ITGA6: variants seen among roughly 807,000 people sequenced by gnomAD.
The protein encoded by ITGA6 is integrin alpha-6.
In ITGA6, 63 loss-of-function variants were observed where a neutral mutation model predicts 133.6. The observed-to-expected ratio is 0.47, with a 90% CI of 0.38 to 0.58. The LOEUF (loss-of-function observed/expected upper bound fraction) is 0.58. ITGA6 is among the 20% of genes least tolerant of loss of function. The probability of loss-of-function intolerance (pLI) is 0.00; values close to 1 mark genes in which losing one functional copy is unlikely to be tolerated. For missense variants in ITGA6, 1,068 were observed against 1,309.4 expected (o/e 0.82, Z 2.85); for synonymous variants, 434 against 482.0 (o/e 0.90, Z 1.30).
chr2:172,456,623 A>G (rs1685219433), intron 1 of ITGA6, among the ~76,000 whole-genome samples: 1 of 152,174 alleles, frequency 6.6e-6, no homozygotes. Flanking sequence ...TGATGACCCA[A>G]AATGGCTAAG....
intron 2 of ITGA6, 143 bp downstream of exon 2, chr2:172,465,806 C>A: frequency 8.5e-7 from 1 of 1,169,956 alleles, no homozygotes; most frequent in Non-Finnish European, 1.3e-6. Context: ...TTTATTTGCC[C>A]TGAAAATATT....
intron 2 of ITGA6, chr2:172,465,874 C>T: frequency 1.4e-6 from 1 of 705,914 alleles, no homozygotes; most frequent in South Asian, 1.7e-5. Flanking sequence ...CTCCTCCTAA[C>T]CGTGGTTTCT....
chr2:172,442,733 T>C (rs557219237), intron 1 of ITGA6, among the ~76,000 whole-genome samples: 13 of 152,212 alleles, frequency 8.5e-5, no homozygotes, highest in Non-Finnish European at 1.6e-4. Context: ...GTGAGCTTGC[T>C]TTACTGATGT....
Position 172,484,913 on chromosome 2 carries a change from G to C in ITGA6, c.1681G>C (p.Val561Leu). The part of the protein sequence containing the change: ...ELTLKRQKQK[V>L]CMEETLWLQD... ...AACTCTGAAGAGGCAGAAACAGAAA[G>C]TGTGCATGGAGGAAACCCTGTGGCT... The change falls in exon 12 of 26, where the codon GTG becomes CTG. Residue 561 changes from valine to leucine, a missense_variant. Val to Leu is a conservative substitution (Grantham distance 32). Around this residue, in one of 3 missense-constraint regions of ITGA6, gnomAD observed 609 missense variants for 707.2 expected, o/e 0.86. Coordinates refer to ENST00000684293, the MANE Select transcript of ITGA6 (RefSeq NM_000210.4). The C allele has an allele frequency of 6.2e-7, 1 of 1,614,210 alleles. No homozygotes were observed. Among genetic ancestry groups the C allele is most frequent in the Non-Finnish European group, 8.5e-7 (1 of 1,180,032 alleles).
chr2:172,474,381 C>A (rs1686073547), intron 6 of ITGA6, 116 bp downstream of exon 6: 1 of 903,308 alleles, frequency 1.1e-6, no homozygotes, highest in Non-Finnish European at 1.8e-6. Context: ...ATTTTTATTG[C>A]CGCATTTTTA....
At chr2:172,502,867 C>T (rs1687402667) in intron 25 of ITGA6, among the ~76,000 whole-genome samples, 1 of 152,204 alleles carries the variant, frequency 6.6e-6, no homozygotes, top group Non-Finnish European at 1.5e-5. Context: ...CACAACATTG[C>T]CATTCAGCTT....
At chr2:172,461,412 T>C (rs1685422887) in intron 1 of ITGA6, among the ~76,000 whole-genome samples, 1 of 152,222 alleles carries the variant, frequency 6.6e-6, no homozygotes, top group African/African-American at 2.4e-5. Context: ...CCCAGATTCT[T>C]GCCCTTTGTT....
chr2:172,452,142 G>A (rs575208836), intron 1 of ITGA6, among the ~76,000 whole-genome samples: 22 of 152,088 alleles, frequency 1.4e-4, no homozygotes, highest in East Asian at 3.9e-4. Context: ...TTCTTTCTCC[G>A]GCTTCCCTCA....
intron 2 of ITGA6, among the ~76,000 whole-genome samples, chr2:172,466,249 T>G (rs886083699): frequency 5.3e-5 from 8 of 152,234 alleles, no homozygotes; most frequent in African/African-American, 1.9e-4. Context: ...TAGCCAAACC[T>G]CGTTTGATAT....
At chr2:172,483,483 C>T (rs952527209) in intron 11 of ITGA6, among the ~76,000 whole-genome samples, 1 of 152,196 alleles carries the variant, frequency 6.6e-6, no homozygotes, top group Non-Finnish European at 1.5e-5. Context: ...CCTTCTCCAG[C>T]CCTCTGCACA....
chr2:172,446,992 G>T (rs1684793613), intron 1 of ITGA6, among the ~76,000 whole-genome samples: 1 of 151,968 alleles, frequency 6.6e-6, no homozygotes, highest in Non-Finnish European at 1.5e-5. Context: ...CCACCACCCA[G>T]GTCCAAGCGA....
chr2:172,467,345 G>T, intron 2 of ITGA6, 136 bp from the exon 3 acceptor site: 1 of 689,946 alleles, frequency 1.4e-6, no homozygotes, highest in South Asian at 1.5e-5. Context: ...TAATTTTTCT[G>T]GATTGAGTAA....
At chr2:172,470,856 TCCTCCAAA>T in intron 4 of ITGA6, 110 bp from the exon 5 acceptor site, 3 of 981,242 alleles carry the variant, frequency 3.1e-6, no homozygotes, top group Middle Eastern at 3.1e-4. Flanking sequence ...TTCCTTTTTT[TCCTCCAAA>T]TTTTTTTTCC....
rs10209090 is a variant in ITGA6, at chr2:172,491,372, C to G, written c.2889+41C>G. On this transcript the variant is annotated intron_variant, in intron 22 of 25. Coordinates refer to ENST00000684293, the MANE Select transcript of ITGA6 (RefSeq NM_000210.4). This position sits in a 1 kb window ranked among gnomAD's most constrained non-coding sequence, Gnocchi z 4.4. ...GAGGCTGTCCCATGGAAGTAATTTG[C>G]CTTTGCCTAGGACACTTTTCACTTC... The G allele has an allele frequency of 4.7e-3, 7,368 of 1,572,044 alleles. 286 individuals are homozygous for G. In the African/African-American group the frequency reaches 0.087, roughly 18 times the overall value.
chr2:172,494,085 TAC>T (rs1439631862), intron 23 of ITGA6, among the ~76,000 whole-genome samples: 4 of 152,226 alleles, frequency 2.6e-5, no homozygotes, highest in African/African-American at 7.2e-5. Context: ...ATTTCTGACA[TAC>T]AATAGCTCAG....
chr2:172,471,961 TA>T (rs1426316501), intron 5 of ITGA6, among the ~76,000 whole-genome samples: 1 of 145,762 alleles, frequency 6.9e-6, no homozygotes, highest in Non-Finnish European at 1.5e-5. Context: ...GAATGGAAAG[TA>T]AAAAACGAAA....
intron 1 of ITGA6, among the ~76,000 whole-genome samples, chr2:172,444,077 C>T (rs538542400): frequency 2.6e-5 from 4 of 152,290 alleles, no homozygotes; most frequent in Admixed American, 6.5e-5. Flanking sequence ...CCTGGCCCAT[C>T]GTTTCATTTG....
chr2:172,475,472 CAAAA>C (rs11464370), intron 7 of ITGA6, 121 bp from the exon 8 acceptor site: 1 of 722,516 alleles, frequency 1.4e-6, no homozygotes, highest in Non-Finnish European at 2.5e-6. Flanking sequence ...TCAAAAAAAA[CAAAA>C]AAAAACCCCG....
chr2:172,444,766 C>T (rs190619773), intron 1 of ITGA6, among the ~76,000 whole-genome samples: 2 of 143,106 alleles, frequency 1.4e-5, no homozygotes, highest in Admixed American at 7.0e-5. Flanking sequence ...ATTTCCCCCC[C>T]ACAACCCAGC....
Sources: gnomAD v4.1 joint callset for allele counts (sites outside exome capture counted in the v4.1 genomes callset) on GRCh38, gnomAD v4.1.1 for gene constraint, gnomAD v4.1.1 regional missense constraint, Gnocchi (gnomAD v3.1) non-coding constraint, MANE v1.5 for transcripts, NCBI Gene and HGNC (gene_info 2026-07-23, HGNC 2026-07-21) for gene names.